Variants in UBASH3B observed in about 807,000 individuals in gnomAD.
UBASH3B encodes the protein ubiquitin associated and SH3 domain containing B.
UBASH3B carries 37 observed loss-of-function variants against 83.4 expected under a neutral mutation model. The observed-to-expected ratio is 0.44, with a 90% CI of 0.34 to 0.58. The LOEUF (loss-of-function observed/expected upper bound fraction) is 0.58. Among genes scored for constraint, UBASH3B ranks in the 20% least tolerant of loss-of-function variants. UBASH3B has a pLI of 0.01. For missense variants in UBASH3B, 657 were observed against 827.2 expected, an observed-to-expected ratio of 0.79 and a Z score of 2.52; for synonymous variants, 304 against 318.3, an observed-to-expected ratio of 0.96 and a Z score of 0.48.
chr11:122,729,194 C>T (rs1443431900), intron 1 of UBASH3B, among the ~76,000 whole-genome samples: 1 of 152,186 alleles, frequency 6.6e-6, no homozygotes, highest in Admixed American at 6.5e-5. Context: ...GTGAGTACTC[C>T]AACGCCACAG....
chr11:122,787,832 G>A (rs1178319109), intron 5 of UBASH3B, among the ~76,000 whole-genome samples: 1 of 152,182 alleles, frequency 6.6e-6, no homozygotes, highest in Non-Finnish European at 1.5e-5. Context: ...TATGCAAATG[G>A]AGACCAGAAT....
intron 1 of UBASH3B, among the ~76,000 whole-genome samples, chr11:122,737,542 G>A (rs1400015389): frequency 1.3e-5 from 2 of 152,062 alleles, no homozygotes; most frequent in African/African-American, 4.8e-5. Context: ...AATGAGGAGC[G>A]TCGCTAAAGC....
At chr11:122,675,877 G>C (rs1281884442) in intron 1 of UBASH3B, among the ~76,000 whole-genome samples, 1 of 152,208 alleles carries the variant, frequency 6.6e-6, no homozygotes, top group East Asian at 1.9e-4. Context: ...TAAATAGAGA[G>C]AGAGTGAGAG....
intron 6 of UBASH3B, 86 bp downstream of exon 6, chr11:122,789,394 G>C (rs747527209): frequency 1.4e-6 from 2 of 1,428,464 alleles, no homozygotes; most frequent in Non-Finnish European, 1.9e-6. Flanking sequence ...GCAGTAAATG[G>C]AGTCCATGGG....
chr11:122,770,517 G>C (rs1860624603), intron 1 of UBASH3B, among the ~76,000 whole-genome samples: 2 of 151,208 alleles, frequency 1.3e-5, no homozygotes, highest in African/African-American at 4.9e-5. Context: ...GTATTCCTTA[G>C]ACAGGAAATA....
chr11:122,687,380 T>G (rs767067227), intron 1 of UBASH3B, among the ~76,000 whole-genome samples: 2 of 152,160 alleles, frequency 1.3e-5, no homozygotes, highest in Non-Finnish European at 2.9e-5. Flanking sequence ...ACTGATGAAA[T>G]GACTTGCCCT....
At chr11:122,746,865 G>A (rs1861126274) in intron 1 of UBASH3B, among the ~76,000 whole-genome samples, 1 of 152,194 alleles carries the variant, frequency 6.6e-6, no homozygotes. Context: ...GTGTGGGAGG[G>A]GCCGTGAGGG....
chr11:122,678,496 G>A (rs1248584908), intron 1 of UBASH3B, among the ~76,000 whole-genome samples: 1 of 152,208 alleles, frequency 6.6e-6, no homozygotes, highest in Admixed American at 6.5e-5. Context: ...GAGTGAAGAT[G>A]GTGAAGGCTA....
At chr11:122,682,734 C>T (rs1383605358) in intron 1 of UBASH3B, among the ~76,000 whole-genome samples, 1 of 152,160 alleles carries the variant, frequency 6.6e-6, no homozygotes, top group African/African-American at 2.4e-5. Flanking sequence ...GCACCAAGCC[C>T]AGCACTGTCA....
chr11:122,716,977 C>T (rs1860536361), intron 1 of UBASH3B, among the ~76,000 whole-genome samples: 1 of 152,118 alleles, frequency 6.6e-6, no homozygotes, highest in South Asian at 2.1e-4. Flanking sequence ...TCTAAGTAGT[C>T]ACACAGATTG....
chr11:122,758,297 A>AG lies in UBASH3B; in HGVS notation c.162-17917dup, dbSNP rs1192971270. On this transcript the variant is annotated intron_variant, in intron 1 of 13. Transcript: ENST00000284273. This position sits in a 1 kb window ranked among gnomAD's most constrained non-coding sequence, Gnocchi z 4.2. ...TATAATATGTAAAGTACTCCCATAA[A>AG]GGGGGATGCAGTAAATAATTTCAGG... 6.6e-6 allele frequency among the ~76,000 whole-genome samples: 1 copy of AG among 152,206 alleles called. No homozygotes were observed. Among genetic ancestry groups the AG allele is most frequent in the Non-Finnish European group, 1.5e-5 (1 of 68,042 alleles).
chr11:122,687,436 G>A (rs753175341), intron 1 of UBASH3B, among the ~76,000 whole-genome samples: 7 of 152,092 alleles, frequency 4.6e-5, no homozygotes, highest in Admixed American at 6.6e-5. Flanking sequence ...AGCACTGGGC[G>A]TCCAGTGGGG....
At position 122,759,093 on chromosome 11, in the gene UBASH3B, C is replaced by T. The variant is rs138822882; in HGVS notation, c.162-17126C>T. Among the ~76,000 whole-genome samples the T allele has an allele frequency of 2.0e-5, 3 of 152,342 alleles. No individual in the cohort carries two copies. In the East Asian group the frequency reaches 5.8e-4, roughly 29 times the overall value. On this transcript the variant is annotated intron_variant, in intron 1 of 13. Transcript: ENST00000284273. This position sits in a 1 kb window ranked among gnomAD's most constrained non-coding sequence, Gnocchi z 4.1. ...ATTGCAGTCAAGGTGTTGGCCAGGC[C>T]GTGTTCTCACCAGAAAGCTTGACTA...
intron 9 of UBASH3B, 135 bp from the exon 10 acceptor site, chr11:122,798,806 AC>A: frequency 1.7e-6 from 1 of 587,670 alleles, no homozygotes; most frequent in Non-Finnish European, 3.0e-6. Flanking sequence ...AAAGGCTGAA[AC>A]TACTGGCTCT....
chr11:122,674,321 A>G (rs1863637414), intron 1 of UBASH3B, among the ~76,000 whole-genome samples: 1 of 151,622 alleles, frequency 6.6e-6, no homozygotes, highest in South Asian at 2.1e-4. Context: ...GGTAAATACC[A>G]TTCAGTCATC....
At chr11:122,716,089 G>T (rs1409891403) in intron 1 of UBASH3B, among the ~76,000 whole-genome samples, 2 of 152,246 alleles carry the variant, frequency 1.3e-5, no homozygotes, top group African/African-American at 4.8e-5. Flanking sequence ...GTGATGCAGT[G>T]TCCCTCTGTG....
chr11:122,726,702 C>T (rs930728817), intron 1 of UBASH3B, among the ~76,000 whole-genome samples: 1 of 152,188 alleles, frequency 6.6e-6, no homozygotes, highest in Non-Finnish European at 1.5e-5. Context: ...TTTTCCCTTT[C>T]ACTTGTAGGA....
chr11:122,756,814 A>C (rs974678619), intron 1 of UBASH3B, among the ~76,000 whole-genome samples: 5 of 152,174 alleles, frequency 3.3e-5, no homozygotes, highest in Non-Finnish European at 5.9e-5. Flanking sequence ...TGGACCAAAG[A>C]GGTTGCACTC....
intron 1 of UBASH3B, among the ~76,000 whole-genome samples, chr11:122,716,859 C>CT (rs1860533927): frequency 2.0e-5 from 3 of 151,990 alleles, no homozygotes; most frequent in Non-Finnish European, 4.4e-5. Context: ...AAAGCCTTGC[C>CT]TTTTCTCTCG....
Sources: gnomAD v4.1 joint callset for allele counts (sites outside exome capture counted in the v4.1 genomes callset) on GRCh38, gnomAD v4.1.1 for gene constraint, Gnocchi (gnomAD v3.1) non-coding constraint, MANE v1.5 for transcripts, NCBI Gene and HGNC (gene_info 2026-07-23, HGNC 2026-07-21) for gene names.